Variants in PDE7A observed in about 807,000 individuals in gnomAD.
PDE7A encodes high affinity 3',5'-cyclic-AMP phosphodiesterase 7A.
A neutral mutation model predicts 64.3 loss-of-function variants in PDE7A; 39 were observed. The observed-to-expected ratio is 0.61, with a 90% CI of 0.47 to 0.79. The LOEUF is 0.79. PDE7A is among the 30% of genes least tolerant of loss of function. PDE7A has a pLI of 0.00. For missense variants in PDE7A, 470 were observed against 582.8 expected, an observed-to-expected ratio of 0.81 and a Z score of 1.99; for synonymous variants, 203 against 206.8, an observed-to-expected ratio of 0.98 and a Z score of 0.16.
At chr8:65,835,309 T>G (rs192537191) in intron 1 of PDE7A, among the ~76,000 whole-genome samples, 1 of 152,238 alleles carries the variant, frequency 6.6e-6, no homozygotes, top group East Asian at 1.9e-4. Flanking sequence ...AGAAATAGAT[T>G]TTACATAAAC....
intron 12 of PDE7A, chr8:65,722,821 C>G (rs1806440447): frequency 6.6e-6 from 1 of 152,188 alleles, no homozygotes. Context: ...ACTTTGGAAT[C>G]TAGAAGAAAA....
chr8:65,742,172 TA>T (rs1449984470), intron 5 of PDE7A, among the ~76,000 whole-genome samples: 1 of 152,248 alleles, frequency 6.6e-6, no homozygotes, highest in Non-Finnish European at 1.5e-5. Context: ...ATTGTATTTT[TA>T]GAAAAGCTAC....
At chr8:65,747,175 G>A (rs529714794) in intron 4 of PDE7A, among the ~76,000 whole-genome samples, 1 of 152,134 alleles carries the variant, frequency 6.6e-6, no homozygotes, top group African/African-American at 2.4e-5. Context: ...AGACCTTTGT[G>A]AAAAGATGTT....
At chr8:65,730,876 T>C (rs997054478) in intron 7 of PDE7A, among the ~76,000 whole-genome samples, 2 of 152,210 alleles carry the variant, frequency 1.3e-5, no homozygotes, top group African/African-American at 4.8e-5. Context: ...TGAGCTAAGA[T>C]TGTGCCACTG....
intron 3 of PDE7A, among the ~76,000 whole-genome samples, chr8:65,753,552 CTTCT>C (rs981157093): frequency 3.5e-5 from 5 of 143,200 alleles, no homozygotes; most frequent in African/African-American, 1.0e-4. Flanking sequence ...AAAATTAAGA[CTTCT>C]TTGTGTCCTA....
chr8:65,740,240 C>T (rs991918113), intron 5 of PDE7A, among the ~76,000 whole-genome samples: 6 of 152,106 alleles, frequency 3.9e-5, no homozygotes, highest in African/African-American at 1.2e-4. Flanking sequence ...CACTGCCCAG[C>T]AATCATATTG....
At chr8:65,741,444 CAAA>C (rs1807432101) in intron 5 of PDE7A, among the ~76,000 whole-genome samples, 1 of 152,114 alleles carries the variant, frequency 6.6e-6, no homozygotes, top group Non-Finnish European at 1.5e-5. Context: ...CAACTGCCAA[CAAA>C]AGACCACAGC....
chr8:65,727,337 T>C lies in PDE7A; in HGVS notation c.697-36A>G, dbSNP rs892466792. ...ACAAAAGAATAATGAATCACAGATATATCTAAAATAAGCTCTACGCCATCA... is the reference window on the plus strand; with the variant it reads ...ACAAAAGAATAATGAATCACAGATACATCTAAAATAAGCTCTACGCCATCA... On this transcript the variant is annotated intron_variant, in intron 7 of 12. Coordinates refer to ENST00000401827, the MANE Select transcript of PDE7A (RefSeq NM_001242318.3). 11 of 1,611,220 alleles carry C rather than the reference T, an allele frequency of 6.8e-6. No individual in the cohort carries two copies. The South Asian group carries it at 1.1e-4, about 16-fold the overall frequency.
chr8:65,781,170 G>C (rs183188880), intron 2 of PDE7A, among the ~76,000 whole-genome samples: 1 of 152,318 alleles, frequency 6.6e-6, no homozygotes, highest in East Asian at 1.9e-4. Context: ...TGCAGTCAGA[G>C]AAGGCCTCAC....
intron 1 of PDE7A, among the ~76,000 whole-genome samples, chr8:65,814,085 TGG>T (rs1810320256): frequency 6.6e-6 from 1 of 152,202 alleles, no homozygotes; most frequent in Non-Finnish European, 1.5e-5. Context: ...CTGAAGACCT[TGG>T]CTTACATAAC....
At chr8:65,802,715 T>C (rs902199615) in intron 1 of PDE7A, among the ~76,000 whole-genome samples, 1 of 152,198 alleles carries the variant, frequency 6.6e-6, no homozygotes, top group Admixed American at 6.5e-5. Flanking sequence ...CAATTAAAAC[T>C]TGCAAACCTG....
chr8:65,716,161 AAAC>A lies in PDE7A; in HGVS notation c.*3126_*3128del, dbSNP rs1416002349. The stretch of plus-strand genomic sequence containing the variant: ...GAGACCCTGTCTCAAAAAAAAAAAA[AAAC>A]AAAAGGGCTATAGAAGGTGATTCCC... On this transcript the variant is annotated 3_prime_UTR_variant, in exon 13 of 13. Transcript: ENST00000401827. Among the ~76,000 whole-genome samples, 15 of 151,646 alleles carry A rather than the reference AAAC, an allele frequency of 9.9e-5. No homozygotes were observed. The East Asian group carries it at 2.5e-3, about 25-fold the overall frequency.
chr8:65,739,595 T>C lies in PDE7A; in HGVS notation c.502A>G (p.Asn168Asp). The C allele has an allele frequency of 6.6e-7, 1 of 1,516,524 alleles. No homozygotes were observed. The highest frequency in any genetic ancestry group is 2.5e-5 in the East Asian group (1 of 40,252). 93.9% of individuals were successfully genotyped at this position (1,516,524 alleles called of 1,614,324 possible). A position where few individuals can be genotyped will look rare whatever the true frequency, so the allele number is the denominator to read the frequency against. Residue 168 changes from asparagine to aspartate, a missense_variant and splice_region_variant, in exon 6 of 13, where the codon AAT (asparagine) becomes GAT (aspartate). Asn to Asp is a conservative substitution (Grantham distance 23). Transcript: ENST00000401827. ...TGAAAGGTTAAGCTTACTAGACTAT[T>C]TCCTAAAAAGAAAGAAGAGACATTA... ...IFLFDRLTNG[N>D]SLVSLTFHLF...
intron 3 of PDE7A, among the ~76,000 whole-genome samples, chr8:65,755,008 ATTTT>A (rs913405237): frequency 7.0e-6 from 1 of 143,342 alleles, no homozygotes; most frequent in East Asian, 2.2e-4. Context: ...TTGCCTGTTT[ATTTT>A]TTTTTTCACT....
intron 5 of PDE7A, among the ~76,000 whole-genome samples, chr8:65,743,358 C>T (rs749203858): frequency 6.6e-6 from 1 of 151,968 alleles, no homozygotes; most frequent in African/African-American, 2.4e-5. Flanking sequence ...CCTGTGTGTA[C>T]GGGCCAAGGT....
intron 1 of PDE7A, among the ~76,000 whole-genome samples, chr8:65,818,394 ATC>A (rs2128931609): frequency 6.6e-6 from 1 of 152,256 alleles, no homozygotes; most frequent in South Asian, 2.1e-4. Context: ...AATATGTGGA[ATC>A]TGTCTCCTCT....
intron 1 of PDE7A, among the ~76,000 whole-genome samples, chr8:65,836,245 T>A (rs1372140288): frequency 2.6e-5 from 4 of 152,232 alleles, no homozygotes; most frequent in Admixed American, 2.6e-4. Context: ...ATTTATATAC[T>A]GATGTTGGGT....
intron 3 of PDE7A, among the ~76,000 whole-genome samples, chr8:65,772,922 C>T (rs1464359117): frequency 6.6e-6 from 1 of 152,076 alleles, no homozygotes; most frequent in African/African-American, 2.4e-5. Context: ...GTGGGAGAAT[C>T]ACTTGAACCT....
intron 1 of PDE7A, among the ~76,000 whole-genome samples, chr8:65,807,331 A>G (rs549623308): frequency 6.6e-6 from 1 of 152,256 alleles, no homozygotes; most frequent in Non-Finnish European, 1.5e-5. Flanking sequence ...TTTTCAGGTT[A>G]TTCACTTTAA....
Sources: gnomAD v4.1 joint callset for allele counts (sites outside exome capture counted in the v4.1 genomes callset) on GRCh38, gnomAD v4.1.1 for gene constraint, MANE v1.5 for transcripts, NCBI Gene and HGNC (gene_info 2026-07-23, HGNC 2026-07-21) for gene names.